Variants in MCM8 observed in about 807,000 individuals in gnomAD.
MCM8 encodes the protein minichromosome maintenance 8 homologous recombination repair factor, also known as DNA helicase MCM8.
In MCM8, 85 loss-of-function variants were observed where a neutral mutation model predicts 98.9. The observed-to-expected ratio is 0.86, with a 90% CI of 0.72 to 1.03. MCM8 has a LOEUF of 1.03. Among genes scored for constraint, MCM8 ranks in the 50% least tolerant of loss-of-function variants. MCM8 has a pLI of 0.00. For synonymous variants in MCM8, 352 were observed against 338.6 expected (o/e 1.04, Z -0.44); for missense variants, 951 against 997.8 (o/e 0.95, Z 0.63).
chr20:5,974,000 A>G (rs2089457950), intron 12 of MCM8, among the ~76,000 whole-genome samples: 2 of 152,092 alleles, frequency 1.3e-5, no homozygotes, highest in Non-Finnish European at 2.9e-5. Context: ...GATCCCCAAG[A>G]AAATTCTGCC....
chr20:5,993,684 C>G lies in MCM8; in HGVS notation c.2419C>G (p.Leu807Val), dbSNP rs777724655. 1 of 1,601,372 alleles carries G rather than the reference C, an allele frequency of 6.2e-7. No homozygotes were observed. Among genetic ancestry groups the G allele is most frequent in the Non-Finnish European group, 8.5e-7 (1 of 1,171,890 alleles). Residue 807 changes from leucine (L) to valine (V), a missense_variant, in exon 18 of 19, where the codon CTA becomes GTA. Physicochemically the swap from Leu to Val is conservative, Grantham distance 32. Transcript: ENST00000610722. ...FHQLRQIAKE[L>V]NIQVADFENF... ...TCAACTTCGGCAGATTGCCAAAGAACTAAACATTCAGGTATGTTAAACTAG... is the reference window on the plus strand; with the variant it reads ...TCAACTTCGGCAGATTGCCAAAGAAGTAAACATTCAGGTATGTTAAACTAG...
At chr20:5,954,215 A>G (rs2088911592) in intron 3 of MCM8, among the ~76,000 whole-genome samples, 1 of 152,094 alleles carries the variant, frequency 6.6e-6, no homozygotes, top group African/African-American at 2.4e-5. Context: ...ATCTCAGGAA[A>G]GACTGTGATT....
rs1600328047 is a variant in MCM8 at position 5,996,826 on chromosome 20, T to C, written c.*2435T>C. 6.6e-6 allele frequency: 1 copy of C among 152,236 alleles called. No homozygotes were observed. The highest frequency in any genetic ancestry group is 2.4e-5 in the African/African-American group (1 of 41,472). 9.4% of individuals were successfully genotyped at this position (152,236 alleles called of 1,614,324 possible). A position where few individuals can be genotyped will look rare whatever the true frequency, so the allele number is the denominator to read the frequency against. Reference sequence around the variant, plus strand: ...AAAGTTGTTTAGCTTTCCCTTACAATCCAGCTTTTATGGGTGTGCAAACAT... The same window carrying C: ...AAAGTTGTTTAGCTTTCCCTTACAACCCAGCTTTTATGGGTGTGCAAACAT... On this transcript the variant is annotated 3_prime_UTR_variant, in exon 19 of 19. Coordinates refer to ENST00000610722, the MANE Select transcript of MCM8 (RefSeq NM_032485.6).
rs201792638 is a variant in MCM8, at chr20:5,957,259, T to G, written c.590+30T>G. ...GGAATTTGATGTATTAAAGTATTAC[T>G]TAGAATGGGACATTGAAGGCCATTT... is the stretch of plus-strand genomic sequence containing the variant. On this transcript the variant is annotated intron_variant, in intron 6 of 18. Transcript: ENST00000610722. 273 of 1,540,992 alleles carry G rather than the reference T, an allele frequency of 1.8e-4. No homozygotes were observed. The East Asian group carries it at 4.5e-3, about 25-fold the overall frequency.
intron 17 of MCM8, among the ~76,000 whole-genome samples, chr20:5,992,537 TAAAAG>T (rs2089873932): frequency 1.3e-5 from 2 of 152,222 alleles, no homozygotes; most frequent in African/African-American, 2.4e-5. Flanking sequence ...AGGTTCATCT[TAAAAG>T]AGATTATGCT....
chr20:5,994,696 G>A lies in MCM8; in HGVS notation c.*305G>A, dbSNP rs982896094. The stretch of plus-strand genomic sequence containing the variant: ...AGAGGATTCCTTGAGGCCAGGGTTC[G>A]AGACCAACCTTGGGCAACATAGCAA... On this transcript the variant is annotated 3_prime_UTR_variant, in exon 19 of 19. Coordinates refer to ENST00000610722, the MANE Select transcript of MCM8 (RefSeq NM_032485.6). 8 of 466,510 alleles carry A rather than the reference G, an allele frequency of 1.7e-5. No individual in the cohort carries two copies. Among genetic ancestry groups the A allele is most frequent in the Admixed American group, 7.4e-5 (3 of 40,618 alleles). 28.9% of individuals were successfully genotyped at this position (466,510 alleles called of 1,614,324 possible).
chr20:5,967,679 A>G (rs2089305603), intron 9 of MCM8, 92 bp downstream of exon 9: 1 of 1,448,084 alleles, frequency 6.9e-7, no homozygotes, highest in Non-Finnish European at 9.4e-7. Context: ...AAATAATTTG[A>G]GGAATTTCTT....
At chr20:5,990,993 ATGTTTCTACTTTGTAGAC>A (rs2089839593) in intron 17 of MCM8, 1 of 152,056 alleles carries the variant, frequency 6.6e-6, no homozygotes, top group Admixed American at 6.6e-5. Context: ...CCTGAATGTC[ATGTTTCTACTTTGTAGAC>A]TGTTCATCTG....
intron 8 of MCM8, chr20:5,965,647 A>C (rs770895052): frequency 6.6e-6 from 1 of 152,148 alleles, no homozygotes; most frequent in East Asian, 1.9e-4. Flanking sequence ...TCAAGCATCA[A>C]ATTATCTTTT....
rs1268083635 is a variant in MCM8, at chr20:5,958,712, A to G, written c.775A>G (p.Ser259Gly). Residue 259 changes from serine (S) to glycine (G), a missense_variant, in exon 7 of 19, where the codon AGT becomes GGT. Transcript: ENST00000610722. ...CTTTCCTCTTCCAGATGGAAAATAC[A>G]GTCTTCCCACAAAGGTAATACGTTC... is the stretch of plus-strand genomic sequence containing the variant. Reference protein sequence around the residue: ...QSFPLPDGKYSLPTKCPVPVC... With the variant: ...QSFPLPDGKYGLPTKCPVPVC... The G allele has an allele frequency of 6.2e-7, 1 of 1,614,174 alleles. No homozygotes were observed.
Position 5,984,891 on chromosome 20 carries a change from G to GA in MCM8, c.1847dup (p.Gln617AlafsTer5). 1 of 1,614,112 alleles carries GA rather than the reference G, an allele frequency of 6.2e-7. No individual in the cohort carries two copies. Among genetic ancestry groups the GA allele is most frequent in the East Asian group, 2.2e-5 (1 of 44,862 alleles). ...GAACATGTGATTGCAATAAGAGCTGGAAAGCAGAGAACCATTAGCAGTGCC... is the reference window on the plus strand; with the variant it reads ...GAACATGTGATTGCAATAAGAGCTGGAAAAGCAGAGAACCATTAGCAGTGCC... On this transcript the variant is annotated frameshift_variant, in exon 15 of 19. Transcript: ENST00000610722. LOFTEE classifies it high-confidence loss of function.
At chr20:5,965,042 T>C (rs1322401872) in intron 8 of MCM8, 1 of 152,236 alleles carries the variant, frequency 6.6e-6, no homozygotes, top group Non-Finnish European at 1.5e-5. Flanking sequence ...TTCTAGACTT[T>C]CTCCGTTCCG....
Position 5,950,716 on chromosome 20 carries a change from T to C in MCM8, c.-313T>C, listed in dbSNP as rs1361661979. 1 of 267,874 alleles carries C rather than the reference T, an allele frequency of 3.7e-6. No individual in the cohort carries two copies. Among genetic ancestry groups the C allele is most frequent in the South Asian group, 7.4e-5 (1 of 13,498 alleles). 16.6% of individuals were successfully genotyped at this position (267,874 alleles called of 1,614,324 possible). A position where few individuals can be genotyped will look rare whatever the true frequency, so the allele number is the denominator to read the frequency against. Reference sequence around the variant, plus strand: ...ATTTAGGGGAAGACCTGATTTTCGCTTGAGGCATTTTTGCGGCGCTGTGCG... The same window carrying C: ...ATTTAGGGGAAGACCTGATTTTCGCCTGAGGCATTTTTGCGGCGCTGTGCG... On this transcript the variant is annotated 5_prime_UTR_variant, in exon 1 of 19. Transcript: ENST00000610722.
At chr20:5,978,668 A>G (rs144721645) in intron 13 of MCM8, among the ~76,000 whole-genome samples, 334 of 152,256 alleles carry the variant, frequency 2.2e-3, no homozygotes, top group Non-Finnish European at 3.4e-3. Context: ...GGTTCAAGCC[A>G]TTCTCGTGCC....
At chr20:5,980,947 T>C (rs6117022) in intron 13 of MCM8, among the ~76,000 whole-genome samples, 6,983 of 151,852 alleles carry the variant, frequency 0.046, 266 homozygotes, top group African/African-American at 0.1. Flanking sequence ...CTTTGGTCCA[T>C]AGGTCAAACC....
At chr20:5,959,693 T>C (rs1448385577) in intron 7 of MCM8, among the ~76,000 whole-genome samples, 2 of 69,856 alleles carry the variant, frequency 2.9e-5, no homozygotes, top group African/African-American at 2.0e-4. Flanking sequence ...GGCTGTACTT[T>C]TTTTTTTTTT....
rs575311342 is a variant in MCM8, at chr20:5,965,636, C to T, written c.876-1800C>T. ...GTTTTTACCCCTTAAATGAAAATGA[C>T]TCAAGCATCAAATTATCTTTTCTTA... On this transcript the variant is annotated intron_variant, in intron 8 of 18. Transcript: ENST00000610722. 2.6e-5 allele frequency: 4 copies of T among 152,290 alleles called. No individual in the cohort carries two copies. In the South Asian group the frequency reaches 8.3e-4, roughly 32 times the overall value. 9.4% of individuals were successfully genotyped at this position (152,290 alleles called of 1,614,324 possible).
chr20:5,970,613 G>C (rs1369268553), intron 10 of MCM8, among the ~76,000 whole-genome samples: 1 of 152,210 alleles, frequency 6.6e-6, no homozygotes, highest in Admixed American at 6.5e-5. Flanking sequence ...GACAGGTGCA[G>C]ATGCCAGTAG....
At chr20:5,956,911 G>T (rs1600243443) in intron 5 of MCM8, among the ~76,000 whole-genome samples, 1 of 152,074 alleles carries the variant, frequency 6.6e-6, no homozygotes, top group East Asian at 1.9e-4. Context: ...CTGGGATGCT[G>T]GAGTTTTTCA....
Sources: allele counts gnomAD v4.1 joint callset (sites outside exome capture counted in the v4.1 genomes callset), GRCh38; gene constraint gnomAD v4.1.1; transcripts MANE v1.5; gene names NCBI Gene and HGNC (gene_info 2026-07-23, HGNC 2026-07-21).